Variants in FAF1 observed in about 807,000 individuals in gnomAD.
FAF1 encodes the protein Fas associated factor 1, also known as FAS-associated factor 1.
FAF1 carries 25 observed loss-of-function variants against 92.5 expected under a neutral mutation model. The ratio of observed to expected loss-of-function variants is 0.27; its 90% confidence interval spans 0.20 to 0.38. The LOEUF (loss-of-function observed/expected upper bound fraction) is 0.38. FAF1 is among the 10% of genes least tolerant of loss of function. The pLI is 1.00. For missense variants in FAF1, 636 were observed against 793.3 expected (o/e 0.80, Z 2.38); for synonymous variants, 234 against 273.2 (o/e 0.86, Z 1.42).
At chr1:50,692,454 G>A (rs185992193) in intron 7 of FAF1, among the ~76,000 whole-genome samples, 10 of 151,710 alleles carry the variant, frequency 6.6e-5, no homozygotes, top group South Asian at 2.1e-4. Context: ...ATTCCTACCC[G>A]TCCACACCCC....
intron 8 of FAF1, among the ~76,000 whole-genome samples, chr1:50,620,323 A>G (rs1653134536): frequency 6.6e-6 from 1 of 152,174 alleles, no homozygotes; most frequent in Non-Finnish European, 1.5e-5. Flanking sequence ...TTGAGCTCTG[A>G]GAGTCTTTCC....
chr1:50,913,590 C>T lies in FAF1; in HGVS notation c.45+46177G>A, dbSNP rs74082103. Among the ~76,000 whole-genome samples the T allele has an allele frequency of 7.7e-3, 1,173 of 152,286 alleles. 13 individuals carry two copies. The highest frequency in any genetic ancestry group is 0.027 in the African/African-American group (1,133 of 41,564). On this transcript the variant is annotated intron_variant, in intron 1 of 18. Transcript: ENST00000396153. Reference sequence around the variant, plus strand: ...GTTTTCAAATTTCATCAAGAGTAAACTGTCAGCAACAGCAGATAATTATCA... The same window carrying T: ...GTTTTCAAATTTCATCAAGAGTAAATTGTCAGCAACAGCAGATAATTATCA...
intron 13 of FAF1, among the ~76,000 whole-genome samples, chr1:50,552,338 C>G (rs1649351118): frequency 6.6e-6 from 1 of 151,274 alleles, no homozygotes; most frequent in Non-Finnish European, 1.5e-5. Context: ...GTTTAAGCAA[C>G]TCACCCACCA....
rs962710998 is a variant in FAF1, at chr1:50,782,540, T to A, written c.367+5460A>T. Among the ~76,000 whole-genome samples, 18 of 152,076 alleles carry A rather than the reference T, an allele frequency of 1.2e-4. No individual in the cohort carries two copies. The East Asian group carries it at 1.9e-3, about 16-fold the overall frequency. On this transcript the variant is annotated intron_variant, in intron 4 of 18. Coordinates refer to ENST00000396153, the MANE Select transcript of FAF1 (RefSeq NM_007051.3). ...AAGGTGTTATAAAAATGTCAAAAAA[T>A]TTTTTATTTTTATTTTTTAAAGTAG...
chr1:50,523,568 A>G (rs964420794), intron 15 of FAF1, among the ~76,000 whole-genome samples: 5 of 152,206 alleles, frequency 3.3e-5, no homozygotes, highest in African/African-American at 1.2e-4. Flanking sequence ...ATCTTTGAAG[A>G]AATGTCTATT....
chr1:50,658,338 G>A (rs755598860), intron 7 of FAF1, among the ~76,000 whole-genome samples: 3 of 151,872 alleles, frequency 2.0e-5, no homozygotes, highest in Non-Finnish European at 4.4e-5. Context: ...TGGAAAGGCC[G>A]CAAAGCTACC....
At chr1:50,700,461 G>A (rs953271217) in intron 7 of FAF1, among the ~76,000 whole-genome samples, 4 of 152,136 alleles carry the variant, frequency 2.6e-5, no homozygotes, top group Non-Finnish European at 5.9e-5. Flanking sequence ...CCTTTGAATA[G>A]AATGAAGCAA....
intron 7 of FAF1, among the ~76,000 whole-genome samples, chr1:50,689,857 G>A (rs1487197560): frequency 6.6e-6 from 1 of 152,108 alleles, no homozygotes; most frequent in Non-Finnish European, 1.5e-5. Context: ...ATTAGCCTAT[G>A]TAGGGAGAGG....
chr1:50,854,341 C>G (rs917476988), intron 2 of FAF1, among the ~76,000 whole-genome samples: 1 of 151,910 alleles, frequency 6.6e-6, no homozygotes, highest in African/African-American at 2.4e-5. Flanking sequence ...TATGTACTTA[C>G]CTTTCTGGGT....
At chr1:50,646,762 ATCATTGC>A in intron 8 of FAF1, among the ~76,000 whole-genome samples, 1 of 152,184 alleles carries the variant, frequency 6.6e-6, no homozygotes, top group Non-Finnish European at 1.5e-5. Flanking sequence ...GCAAGATCTT[ATCATTGC>A]AACTTTAAGG....
chr1:50,519,558 C>T (rs1053681791), intron 15 of FAF1, among the ~76,000 whole-genome samples: 1 of 152,032 alleles, frequency 6.6e-6, no homozygotes, highest in Admixed American at 6.6e-5. Context: ...AGGCATAAAA[C>T]CAAAAACCTC....
At chr1:50,763,114 G>A (rs1051614015) in intron 4 of FAF1, among the ~76,000 whole-genome samples, 2 of 151,876 alleles carry the variant, frequency 1.3e-5, no homozygotes, top group Non-Finnish European at 2.9e-5. Flanking sequence ...AAAATTAGCT[G>A]GGGCATGGTG....
intron 1 of FAF1, among the ~76,000 whole-genome samples, chr1:50,946,834 C>T (rs142635926): frequency 6.6e-6 from 1 of 152,212 alleles, no homozygotes; most frequent in African/African-American, 2.4e-5. Context: ...AGAAGAGGAA[C>T]TCACAGCCTA....
chr1:50,602,742 T>C (rs1160931391), intron 8 of FAF1, among the ~76,000 whole-genome samples: 3 of 152,106 alleles, frequency 2.0e-5, no homozygotes, highest in African/African-American at 7.2e-5. Flanking sequence ...CCTCAAGTGA[T>C]CTGCCCGCCT....
chr1:50,724,237 CAA>C (rs79635813), intron 6 of FAF1, among the ~76,000 whole-genome samples: 9,961 of 88,800 alleles, frequency 0.11, 413 homozygotes, highest in East Asian at 0.15. Flanking sequence ...GACTGTCTTT[CAA>C]AAAAAAAAAA....
intron 13 of FAF1, among the ~76,000 whole-genome samples, chr1:50,563,727 C>G (rs1650038900): frequency 6.6e-6 from 1 of 152,182 alleles, no homozygotes; most frequent in Non-Finnish European, 1.5e-5. Context: ...TTCAGGAGAT[C>G]ACAATTTAGC....
At chr1:50,798,172 T>G (rs1234991667) in intron 3 of FAF1, among the ~76,000 whole-genome samples, 3 of 152,150 alleles carry the variant, frequency 2.0e-5, no homozygotes, top group Non-Finnish European at 4.4e-5. Context: ...AGAAACTAAC[T>G]GGCTATAATG....
chr1:50,721,428 T>C (rs1194478249), intron 6 of FAF1, among the ~76,000 whole-genome samples: 5 of 152,030 alleles, frequency 3.3e-5, no homozygotes, highest in Non-Finnish European at 7.4e-5. Flanking sequence ...TTGGCCAGGA[T>C]GATCTCGATC....
chr1:50,662,230 T>G (rs1655406116), intron 7 of FAF1, among the ~76,000 whole-genome samples: 1 of 152,222 alleles, frequency 6.6e-6, no homozygotes. Context: ...TGAAGATCTG[T>G]TTCAAGAAAT....
Sources: gnomAD v4.1 joint callset for allele counts (sites outside exome capture counted in the v4.1 genomes callset) on GRCh38, gnomAD v4.1.1 for gene constraint, MANE v1.5 for transcripts, NCBI Gene and HGNC (gene_info 2026-07-23, HGNC 2026-07-21) for gene names.